GPC6: variants seen among roughly 807,000 people sequenced by gnomAD.
GPC6 encodes the protein glypican 6, also known as glypican-6.
Under a neutral mutation model 55.2 loss-of-function variants are expected in GPC6, and 14 were observed. The ratio of observed to expected loss-of-function variants is 0.25; its 90% CI spans 0.17 to 0.40. The LOEUF (loss-of-function observed/expected upper bound fraction) is 0.40. GPC6 is among the 10% of genes least tolerant of loss of function. The pLI, the probability that GPC6 is intolerant of heterozygous loss-of-function variation, is 1.00. For missense variants in GPC6, 641 were observed against 708.5 expected (o/e 0.90, Z 1.08); for synonymous variants, 278 against 259.6 (o/e 1.07, Z -0.68).
chr13:93,883,170 G>T (rs1875100614), intron 3 of GPC6, among the ~76,000 whole-genome samples: 2 of 150,498 alleles, frequency 1.3e-5, no homozygotes, highest in Non-Finnish European at 3.0e-5. Context: ...TTTTTGTCTG[G>T]TAGCAAAAAT....
intron 1 of GPC6, among the ~76,000 whole-genome samples, chr13:93,471,541 T>G (rs9561356): frequency 0.04 from 6,134 of 152,068 alleles, 430 homozygotes; most frequent in East Asian, 0.28. Context: ...AAAGCAAATT[T>G]TCTCCTATAT....
chr13:94,194,393 G>A (rs943802700), intron 4 of GPC6, among the ~76,000 whole-genome samples: 7 of 152,124 alleles, frequency 4.6e-5, no homozygotes, highest in Admixed American at 1.3e-4. Flanking sequence ...ATGCATATGT[G>A]TGTATGTCTG....
intron 1 of GPC6, among the ~76,000 whole-genome samples, chr13:93,351,692 A>G (rs1880638570): frequency 6.6e-6 from 1 of 152,186 alleles, no homozygotes; most frequent in African/African-American, 2.4e-5. Flanking sequence ...AATGGCACTA[A>G]GTACTCCATA....
At chr13:94,109,897 GGCTCCATCA>G (rs1886180571) in intron 4 of GPC6, among the ~76,000 whole-genome samples, 1 of 151,902 alleles carries the variant, frequency 6.6e-6, no homozygotes, top group Non-Finnish European at 1.5e-5. Context: ...TAGTCATTGT[GGCTCCATCA>G]ACAGACCTTA....
chr13:93,700,779 G>A (rs1046353658), intron 2 of GPC6, among the ~76,000 whole-genome samples: 7 of 152,028 alleles, frequency 4.6e-5, no homozygotes, highest in African/African-American at 1.7e-4. Context: ...TTTTCTCAAA[G>A]CAAGGATATC....
intron 6 of GPC6, among the ~76,000 whole-genome samples, chr13:94,365,360 C>T (rs1879244046): frequency 1.3e-5 from 2 of 152,138 alleles, no homozygotes; most frequent in Non-Finnish European, 2.9e-5. Flanking sequence ...TCCTAGAATT[C>T]CCTTAGGCTA....
chr13:93,913,776 A>G (rs1309552614), intron 3 of GPC6, among the ~76,000 whole-genome samples: 2 of 152,142 alleles, frequency 1.3e-5, no homozygotes, highest in African/African-American at 4.8e-5. Context: ...CATTCAGATG[A>G]TTCACTATCG....
chr13:94,145,371 C>G (rs1887525540), intron 4 of GPC6, among the ~76,000 whole-genome samples: 1 of 151,948 alleles, frequency 6.6e-6, no homozygotes, highest in African/African-American at 2.4e-5. Flanking sequence ...TCCATTAGGC[C>G]TTTTCCAATA....
At chr13:94,049,484 G>A (rs1246612079) in intron 4 of GPC6, among the ~76,000 whole-genome samples, 1 of 152,090 alleles carries the variant, frequency 6.6e-6, no homozygotes, top group Admixed American at 6.6e-5. Flanking sequence ...ATAAGACTGT[G>A]AAATCAGAAG....
At chr13:93,563,982 C>T (rs909233465) in intron 2 of GPC6, among the ~76,000 whole-genome samples, 32 of 151,880 alleles carry the variant, frequency 2.1e-4, no homozygotes, top group Admixed American at 1.3e-3. Context: ...CACCCTTCAC[C>T]GAAGCACTAT....
At chr13:93,554,995 G>A (rs946888182) in intron 2 of GPC6, among the ~76,000 whole-genome samples, 3 of 151,938 alleles carry the variant, frequency 2.0e-5, no homozygotes, top group Non-Finnish European at 2.9e-5. Flanking sequence ...CAGTCCAGTA[G>A]AATATAAACG....
chr13:93,708,750 G>A (rs1882943497), intron 2 of GPC6, among the ~76,000 whole-genome samples: 1 of 151,634 alleles, frequency 6.6e-6, no homozygotes, highest in African/African-American at 2.4e-5. Context: ...GGTAAGCCAG[G>A]CCACTAAGAT....
chr13:94,306,743 C>G (rs537993819), intron 6 of GPC6, among the ~76,000 whole-genome samples: 1 of 152,218 alleles, frequency 6.6e-6, no homozygotes, highest in Non-Finnish European at 1.5e-5. Context: ...ATAGTAAATA[C>G]AATTTTTAAA....
chr13:93,333,681 C>T (rs1879939528), intron 1 of GPC6, among the ~76,000 whole-genome samples: 1 of 151,774 alleles, frequency 6.6e-6, no homozygotes. Context: ...GGACCAAAGG[C>T]ATGTGCCACC....
intron 2 of GPC6, among the ~76,000 whole-genome samples, chr13:93,575,524 C>T (rs918125620): frequency 2.6e-5 from 4 of 152,070 alleles, no homozygotes; most frequent in Non-Finnish European, 5.9e-5. Flanking sequence ...GTAACAAGTT[C>T]CCAGATTATG....
intron 8 of GPC6, among the ~76,000 whole-genome samples, 172 bp from the exon 9 acceptor site, chr13:94,402,843 A>G (rs1190178192): frequency 1.3e-5 from 2 of 152,198 alleles, no homozygotes; most frequent in Admixed American, 6.5e-5. Context: ...CTCACTCACT[A>G]TCACGAGAAC....
chr13:93,905,192 T>C (rs1876596827), intron 3 of GPC6, among the ~76,000 whole-genome samples: 1 of 151,848 alleles, frequency 6.6e-6, no homozygotes, highest in South Asian at 2.1e-4. Flanking sequence ...AGAAACTGCA[T>C]TGTATGGTGG....
At chr13:93,589,072 T>G (rs1193706102) in intron 2 of GPC6, among the ~76,000 whole-genome samples, 2 of 152,194 alleles carry the variant, frequency 1.3e-5, no homozygotes, top group African/African-American at 4.8e-5. Flanking sequence ...GTTTGTTCCC[T>G]CTTGTTAATT....
chr13:94,302,320 C>G (rs1875693592), intron 5 of GPC6, among the ~76,000 whole-genome samples: 1 of 152,094 alleles, frequency 6.6e-6, no homozygotes, highest in African/African-American at 2.4e-5. Context: ...CCCACTGTGT[C>G]CTCACATGAG....
Sources: gnomAD v4.1 joint callset for allele counts (sites outside exome capture counted in the v4.1 genomes callset) on GRCh38, gnomAD v4.1.1 for gene constraint, MANE v1.5 for transcripts, NCBI Gene and HGNC (gene_info 2026-07-23, HGNC 2026-07-21) for gene names.